The following VEGFC variants were observed in gnomAD, a reference collection of about 807,000 sequenced individuals.
VEGFC encodes the protein FLT4 ligand DHM.
VEGFC carries 12 observed loss-of-function variants against 46.1 expected under a neutral mutation model. The ratio of observed to expected loss-of-function variants is 0.26; its 90% CI spans 0.17 to 0.42. The LOEUF (loss-of-function observed/expected upper bound fraction) is 0.42, where lower values mean the gene tolerates loss of function less well. Among genes scored for constraint, VEGFC ranks in the 10% least tolerant of loss-of-function variants. The pLI, the probability that VEGFC is intolerant of heterozygous loss-of-function variation, is 1.00. For missense variants in VEGFC, 488 were observed against 529.4 expected (o/e 0.92, Z 0.77); for synonymous variants, 232 against 195.5 (o/e 1.19, Z -1.56).
intron 1 of VEGFC, among the ~76,000 whole-genome samples, chr4:176,755,131 C>A (rs181151724): frequency 2.1e-4 from 32 of 152,150 alleles, no homozygotes; most frequent in Admixed American, 2.0e-3. Context: ...TTCAGAAATG[C>A]ATGCAGATTA....
chr4:176,723,740 G>A (rs1253284192), intron 3 of VEGFC, among the ~76,000 whole-genome samples: 1 of 150,814 alleles, frequency 6.6e-6, no homozygotes, highest in African/African-American at 2.4e-5. Flanking sequence ...GTGCAGGTTT[G>A]TGACATAGGT....
intron 1 of VEGFC, among the ~76,000 whole-genome samples, chr4:176,753,649 T>C (rs1421614446): frequency 6.6e-6 from 1 of 152,120 alleles, no homozygotes; most frequent in Admixed American, 6.6e-5. Flanking sequence ...CTTTTATTCC[T>C]GCATACATGA....
intron 2 of VEGFC, among the ~76,000 whole-genome samples, chr4:176,728,223 A>G (rs1734905371): frequency 6.6e-6 from 1 of 152,226 alleles, no homozygotes; most frequent in South Asian, 2.1e-4. Flanking sequence ...ATGCTTTATT[A>G]AAAGTACACC....
At position 176,792,210 on chromosome 4, in the gene VEGFC, G is replaced by A; in HGVS notation, c.102C>T (p.Ser34=). 1 of 1,562,418 alleles carries A rather than the reference G, an allele frequency of 6.4e-7. No homozygotes were observed. The highest frequency in any genetic ancestry group is 8.6e-7 in the Non-Finnish European group (1 of 1,157,166). ...GCTCCGCGTCCGAGAGGTCGAGTCC[G>A]GACTCGAAGGCGGCGGCGGCGGCGG... is the stretch of plus-strand genomic sequence containing the variant. The part of the protein sequence containing the change: ...EAPAAAAAFE[S]GLDLSDAEPD... Residue 34 remains serine, a synonymous_variant, in exon 1 of 7, where the codon TCC becomes TCT. Transcript: ENST00000618562. This position sits in a 1 kb window ranked among gnomAD's most constrained non-coding sequence, Gnocchi z 6.3.
intron 1 of VEGFC, among the ~76,000 whole-genome samples, chr4:176,784,779 A>T: frequency 1.0e-5 from 1 of 100,290 alleles, no homozygotes; most frequent in African/African-American, 3.0e-5. Context: ...AAAAAAAAAA[A>T]GATAAAGTAA....
At chr4:176,767,442 A>T (rs1448876212) in intron 1 of VEGFC, among the ~76,000 whole-genome samples, 1 of 152,128 alleles carries the variant, frequency 6.6e-6, no homozygotes, top group Non-Finnish European at 1.5e-5. Context: ...AAGTGTGTGC[A>T]CTCTACAGTT....
chr4:176,695,809 G>A (rs1449003292), intron 4 of VEGFC, among the ~76,000 whole-genome samples: 2 of 152,142 alleles, frequency 1.3e-5, no homozygotes, highest in Non-Finnish European at 2.9e-5. Context: ...TCCCTGGGAT[G>A]CAAGACTGGT....
intron 1 of VEGFC, among the ~76,000 whole-genome samples, chr4:176,750,337 CATG>C (rs950373370): frequency 5.9e-5 from 9 of 151,544 alleles, no homozygotes; most frequent in African/African-American, 1.9e-4. Context: ...TATAAAACTA[CATG>C]ATGATTACAA....
intron 1 of VEGFC, among the ~76,000 whole-genome samples, chr4:176,762,294 T>C (rs983819331): frequency 5.3e-5 from 8 of 152,162 alleles, no homozygotes; most frequent in African/African-American, 1.9e-4. Context: ...CATGAAGCCT[T>C]TGCCCAGATT....
intron 1 of VEGFC, among the ~76,000 whole-genome samples, chr4:176,776,886 A>C (rs1354675477): frequency 6.6e-6 from 1 of 152,254 alleles, no homozygotes; most frequent in Non-Finnish European, 1.5e-5. Flanking sequence ...CAATATTTAT[A>C]GTTATTCCAT....
chr4:176,767,166 A>G (rs1235224906), intron 1 of VEGFC, among the ~76,000 whole-genome samples: 2 of 151,390 alleles, frequency 1.3e-5, no homozygotes, highest in Non-Finnish European at 2.9e-5. Flanking sequence ...AAAAATGAAC[A>G]AAACACTTAA....
intron 1 of VEGFC, among the ~76,000 whole-genome samples, chr4:176,783,347 C>T (rs559805863): frequency 6.6e-6 from 1 of 152,236 alleles, no homozygotes; most frequent in South Asian, 2.1e-4. Flanking sequence ...ATATTTTCCT[C>T]AGTGAAATTG....
rs537945962 is a variant in VEGFC, at chr4:176,726,633, G to GT, written c.552+1144dup. Among the ~76,000 whole-genome samples, 12 of 152,116 alleles carry GT rather than the reference G, an allele frequency of 7.9e-5. No individual in the cohort carries two copies. The East Asian group carries it at 1.9e-3, about 24-fold the overall frequency. ...CTCCAAACTCAGAGGCCAAATGATC[G>GT]TAACAGTAAAAATTTTGGAAATATT... On this transcript the variant is annotated intron_variant, in intron 3 of 6. Coordinates refer to ENST00000618562, the MANE Select transcript of VEGFC (RefSeq NM_005429.5).
intron 3 of VEGFC, among the ~76,000 whole-genome samples, chr4:176,719,919 C>T (rs1370550207): frequency 1.3e-5 from 2 of 151,912 alleles, no homozygotes; most frequent in Admixed American, 6.6e-5. Flanking sequence ...ATCAGCTGGG[C>T]GTGGTGGTGG....
At position 176,724,683 on chromosome 4, in the gene VEGFC, G is replaced by A. The variant is rs189375838; in HGVS notation, c.552+3095C>T. The stretch of plus-strand genomic sequence containing the variant: ...TAAAGGTGTGTGTGCAAGGGCCCAG[G>A]AGCAGAGGAAACACGATGATGCCCA... On this transcript the variant is annotated intron_variant, in intron 3 of 6. Coordinates refer to ENST00000618562, the MANE Select transcript of VEGFC (RefSeq NM_005429.5). Among the ~76,000 whole-genome samples, 6 of 152,276 alleles carry A rather than the reference G, an allele frequency of 3.9e-5. No homozygotes were observed. In the East Asian group the frequency reaches 9.7e-4, roughly 25 times the overall value.
At chr4:176,720,169 T>C (rs1734759602) in intron 3 of VEGFC, among the ~76,000 whole-genome samples, 1 of 152,146 alleles carries the variant, frequency 6.6e-6, no homozygotes, top group Non-Finnish European at 1.5e-5. Context: ...GCACAGCTAA[T>C]GATGAATGTT....
intron 1 of VEGFC, among the ~76,000 whole-genome samples, chr4:176,735,877 C>T (rs982228140): frequency 4.0e-5 from 6 of 151,832 alleles, no homozygotes; most frequent in African/African-American, 1.5e-4. Context: ...AAATTGTTTC[C>T]TGTAATCTTT....
At chr4:176,740,076 TTATATATTC>T (rs1344940011) in intron 1 of VEGFC, among the ~76,000 whole-genome samples, 1 of 117,076 alleles carries the variant, frequency 8.5e-6, no homozygotes, top group African/African-American at 3.2e-5. Flanking sequence ...TAACTATATA[TTATATATTC>T]TATATATTCT....
At chr4:176,688,899 A>T (rs565394903) in intron 4 of VEGFC, among the ~76,000 whole-genome samples, 28 of 152,320 alleles carry the variant, frequency 1.8e-4, no homozygotes, top group Non-Finnish European at 4.0e-4. Flanking sequence ...TTTAGAGGCT[A>T]TCATTTGAGA....
Sources: gnomAD v4.1 joint callset for allele counts (sites outside exome capture counted in the v4.1 genomes callset) on GRCh38, gnomAD v4.1.1 for gene constraint, Gnocchi (gnomAD v3.1) non-coding constraint, MANE v1.5 for transcripts, NCBI Gene and HGNC (gene_info 2026-07-23, HGNC 2026-07-21) for gene names.